Variants in GLI3 observed in about 807,000 individuals in gnomAD.
GLI3 encodes GLI family zinc finger 3, also known as transcription activator GLI3.
A neutral mutation model predicts 100.8 loss-of-function variants in GLI3; 20 were observed. The ratio of observed to expected loss-of-function variants is 0.20; its 90% confidence interval spans 0.14 to 0.29. GLI3 has a LOEUF of 0.29. Ranked by LOEUF, GLI3 falls within the 10% of genes least tolerant of loss-of-function variation. The pLI, the probability that GLI3 is intolerant of heterozygous loss-of-function variation, is 1.00. For synonymous variants in GLI3, 938 were observed against 860.5 expected (o/e 1.09, Z -1.58); for missense variants, 2,040 against 2,128.5 (o/e 0.96, Z 0.82).
At chr7:42,101,585 G>A (rs1380298252) in intron 3 of GLI3, among the ~76,000 whole-genome samples, 1 of 151,666 alleles carries the variant, frequency 6.6e-6, no homozygotes, top group South Asian at 2.1e-4. Context: ...CAGCTTGGGC[G>A]ACAAAGCAAG....
chr7:42,259,685 C>G (rs1003766072), intron 1 of GLI3, among the ~76,000 whole-genome samples: 1 of 152,138 alleles, frequency 6.6e-6, no homozygotes, highest in African/African-American at 2.4e-5. Context: ...GGTTTGAGAT[C>G]ATGTCTTTTT....
intron 3 of GLI3, among the ~76,000 whole-genome samples, chr7:42,109,246 T>C (rs927839023): frequency 2.6e-5 from 4 of 152,164 alleles, no homozygotes; most frequent in African/African-American, 9.7e-5. Flanking sequence ...ACTGCCAGCA[T>C]CCATGAACAA....
intron 2 of GLI3, among the ~76,000 whole-genome samples, chr7:42,185,107 C>T (rs1787693116): frequency 6.6e-6 from 1 of 152,192 alleles, no homozygotes; most frequent in African/African-American, 2.4e-5. Context: ...AGGAGATCTA[C>T]ACAGTTTGGT....
At chr7:42,222,893 C>A in intron 2 of GLI3, 1 of 490,924 alleles carries the variant, frequency 2.0e-6, no homozygotes, top group South Asian at 2.0e-5. Context: ...AATAAATAAC[C>A]TATCACATTT....
chr7:41,974,420 C>T (rs1301161787), intron 12 of GLI3, among the ~76,000 whole-genome samples: 1 of 152,174 alleles, frequency 6.6e-6, no homozygotes, highest in East Asian at 1.9e-4. Flanking sequence ...CTTTTGCCCA[C>T]AAATTTTGTT....
At chr7:42,032,005 C>T (rs574931587) in intron 7 of GLI3, among the ~76,000 whole-genome samples, 1 of 152,256 alleles carries the variant, frequency 6.6e-6, no homozygotes, top group East Asian at 1.9e-4. Flanking sequence ...AGTTTGCAAA[C>T]TGGTTCTTGT....
rs1295309348 is a variant in GLI3 at position 41,966,728 on chromosome 7, A to G, written c.2432-87T>C. Reference sequence around the variant, plus strand: ...CAGGCATGAGCAACCCTTTTCTGTAAAGGGCCAGCTAGGAACTATTTCTGG... The same window carrying G: ...CAGGCATGAGCAACCCTTTTCTGTAGAGGGCCAGCTAGGAACTATTTCTGG... On this transcript the variant is annotated intron_variant, in intron 14 of 14. Transcript: ENST00000395925. This position sits in a 1 kb window ranked among gnomAD's most constrained non-coding sequence, Gnocchi z 5.8. 3.0e-6 allele frequency: 4 copies of G among 1,352,864 alleles called. No homozygotes were observed. The highest frequency in any genetic ancestry group is 4.2e-6 in the Non-Finnish European group (4 of 952,126). 83.8% of individuals were successfully genotyped at this position (1,352,864 alleles called of 1,614,324 possible).
intron 3 of GLI3, among the ~76,000 whole-genome samples, chr7:42,097,211 G>C (rs1005630670): frequency 6.6e-6 from 1 of 152,206 alleles, no homozygotes; most frequent in Non-Finnish European, 1.5e-5. Flanking sequence ...TCGTTCAACA[G>C]CTGGAGAAAA....
intron 3 of GLI3, among the ~76,000 whole-genome samples, chr7:42,103,407 T>A (rs916600969): frequency 1.6e-4 from 25 of 152,262 alleles, no homozygotes; most frequent in African/African-American, 5.8e-4. Context: ...ATAGCTGAAC[T>A]TTTTATCCAA....
At position 42,148,272 on chromosome 7, in the gene GLI3, C is replaced by T. The variant is rs759049960; in HGVS notation, c.321G>A (p.Thr107=). 44 of 1,612,620 alleles carry T rather than the reference C, an allele frequency of 2.7e-5. No individual in the cohort carries two copies. Among genetic ancestry groups the T allele is most frequent in the Non-Finnish European group, 3.6e-5 (43 of 1,179,324 alleles). Residue 107 remains threonine, a synonymous_variant, in exon 3 of 15, where the codon ACG becomes ACA. Coordinates refer to ENST00000395925, the MANE Select transcript of GLI3 (RefSeq NM_000168.6). ...CATTCCTGGGGTCCATGGCAAACAC[C>T]GTCCCGCGGTACGGCACAGAGGGCT... The part of the protein sequence containing the change: ...VAEPSVPYRG[T]VFAMDPRNGY...
chr7:42,161,920 C>T (rs1050501213), intron 2 of GLI3, among the ~76,000 whole-genome samples: 3 of 152,170 alleles, frequency 2.0e-5, no homozygotes, highest in Non-Finnish European at 4.4e-5. Context: ...TGAGTCAACA[C>T]AAACAATACA....
chr7:42,133,643 GA>G (rs11400220), intron 3 of GLI3, among the ~76,000 whole-genome samples: 8,492 of 140,312 alleles, frequency 0.061, 314 homozygotes, highest in African/African-American at 0.1. Flanking sequence ...GAAAGCAGCA[GA>G]AAAAAAAAAA....
chr7:42,253,958 G>A (rs993557224), intron 1 of GLI3, among the ~76,000 whole-genome samples: 10 of 152,254 alleles, frequency 6.6e-5, no homozygotes, highest in East Asian at 5.8e-4. Flanking sequence ...GATGGTTCAC[G>A]CCTGTAATCC....
chr7:42,126,132 C>T (rs1786124811), intron 3 of GLI3, among the ~76,000 whole-genome samples: 1 of 152,170 alleles, frequency 6.6e-6, no homozygotes, highest in Non-Finnish European at 1.5e-5. Flanking sequence ...AAACAGTTCC[C>T]TCTGAGACCT....
intron 3 of GLI3, among the ~76,000 whole-genome samples, chr7:42,101,837 T>C (rs1583558395): frequency 2.0e-4 from 20 of 99,724 alleles, no homozygotes; most frequent in African/African-American, 7.0e-4. Flanking sequence ...CCCTCCACCC[T>C]CTCCCACCCC....
intron 10 of GLI3, among the ~76,000 whole-genome samples, chr7:41,990,628 T>C (rs1787959247): frequency 6.6e-6 from 1 of 152,194 alleles, no homozygotes. Context: ...TATTTGAATT[T>C]CAAGTAGATT....
At chr7:42,195,697 T>C (rs947058015) in intron 2 of GLI3, among the ~76,000 whole-genome samples, 7 of 152,180 alleles carry the variant, frequency 4.6e-5, no homozygotes, top group Non-Finnish European at 1.0e-4. Context: ...CACCAGACCA[T>C]CTATTCCCTA....
chr7:42,118,477 T>C (rs1253571574), intron 3 of GLI3: 1 of 394,726 alleles, frequency 2.5e-6, no homozygotes, highest in Non-Finnish European at 4.5e-6. Flanking sequence ...TAGAGACCCC[T>C]AGCCCCCAAT....
chr7:42,222,031 G>A (rs759576453), intron 2 of GLI3, among the ~76,000 whole-genome samples: 6 of 152,304 alleles, frequency 3.9e-5, no homozygotes, highest in Middle Eastern at 3.4e-3. Flanking sequence ...TCATGAAACC[G>A]GGTGAAGAAG....
Sources: allele counts gnomAD v4.1 joint callset (sites outside exome capture counted in the v4.1 genomes callset), GRCh38; gene constraint gnomAD v4.1.1; non-coding constraint Gnocchi (gnomAD v3.1); transcripts MANE v1.5; gene names NCBI Gene and HGNC (gene_info 2026-07-23, HGNC 2026-07-21).